The following GNA12 variants were observed in gnomAD, a reference collection of about 807,000 sequenced individuals.
GNA12 encodes the protein G protein subunit alpha 12.
GNA12 carries 9 observed loss-of-function variants against 26.0 expected under a neutral mutation model. The ratio of observed to expected loss-of-function variants is 0.35; its 90% CI spans 0.21 to 0.60. The LOEUF (loss-of-function observed/expected upper bound fraction) is 0.60. GNA12 is among the 20% of genes least tolerant of loss of function. The probability of loss-of-function intolerance (pLI) is 0.78; values close to 1 mark genes in which losing one functional copy is unlikely to be tolerated. For synonymous variants in GNA12, 264 were observed against 219.6 expected (o/e 1.20, Z -1.79); for missense variants, 405 against 525.8 (o/e 0.77, Z 2.25).
intron 1 of GNA12, among the ~76,000 whole-genome samples, chr7:2,842,271 C>T (rs1413602376): frequency 6.6e-6 from 1 of 152,142 alleles, no homozygotes; most frequent in East Asian, 1.9e-4. Context: ...AACACAGGCT[C>T]ACGGTACTGA....
At chr7:2,773,294 T>G (rs1049690674) in intron 2 of GNA12, among the ~76,000 whole-genome samples, 1 of 152,338 alleles carries the variant, frequency 6.6e-6, no homozygotes, top group Admixed American at 6.5e-5. Context: ...CTGGGGGCGG[T>G]GGCTCACGCC....
intron 2 of GNA12, among the ~76,000 whole-genome samples, chr7:2,780,051 CATATATATATATATATAT>C (rs3996399): frequency 0.038 from 2,352 of 62,220 alleles, 88 homozygotes; most frequent in Middle Eastern, 0.085. Context: ...TTTCTGTGTA[CATATATATATATATATAT>C]ATATATATAT....
chr7:2,811,285 G>A (rs1402544587), intron 1 of GNA12, among the ~76,000 whole-genome samples: 4 of 152,120 alleles, frequency 2.6e-5, no homozygotes, highest in Non-Finnish European at 5.9e-5. Context: ...AGAGCTCCCC[G>A]CTCCACCGAT....
At chr7:2,802,404 G>A (rs574657170) in intron 1 of GNA12, among the ~76,000 whole-genome samples, 2 of 87,208 alleles carry the variant, frequency 2.3e-5, no homozygotes, top group African/African-American at 9.2e-5. Flanking sequence ...GGGGGGGTGG[G>A]GGGTGGGGTT....
intron 2 of GNA12, among the ~76,000 whole-genome samples, chr7:2,789,344 C>T (rs1049499342): frequency 6.7e-6 from 1 of 148,742 alleles, no homozygotes; most frequent in Non-Finnish European, 1.5e-5. Context: ...ACCGTTTTAG[C>T]CGGGATGGTC....
chr7:2,806,635 ATCTG>A (rs772069258), intron 1 of GNA12, among the ~76,000 whole-genome samples: 1 of 152,206 alleles, frequency 6.6e-6, no homozygotes, highest in African/African-American at 2.4e-5. Flanking sequence ...TAGGAATGTT[ATCTG>A]TCTTATTCTT....
At chr7:2,781,632 A>G (rs1420089700) in intron 2 of GNA12, among the ~76,000 whole-genome samples, 1 of 152,194 alleles carries the variant, frequency 6.6e-6, no homozygotes, top group Non-Finnish European at 1.5e-5. Context: ...TTGTGGGTCT[A>G]AAGACATGTA....
In GNA12 at chr7:2,815,071, C is replaced by A. The variant is rs146769187; in HGVS notation, c.310-19928G>T. Reference sequence around the variant, plus strand: ...CAAGCGCCGCCACTGTGGCAGGCTCCGAGGACACAACAGAGAACCAGACAG... The same window carrying A: ...CAAGCGCCGCCACTGTGGCAGGCTCAGAGGACACAACAGAGAACCAGACAG... On this transcript the variant is annotated intron_variant, in intron 1 of 3. Coordinates refer to ENST00000275364, the MANE Select transcript of GNA12 (RefSeq NM_007353.3). 1,311 of 1,408,090 alleles carry A rather than the reference C, an allele frequency of 9.3e-4. 15 individuals are homozygous for A. In the African/African-American group the frequency reaches 0.016, roughly 18 times the overall value. The allele number at this position is 1,408,090 out of a possible 1,614,324, so 87.2% of individuals were successfully genotyped here. A position where few individuals can be genotyped will look rare whatever the true frequency, so the allele number is the denominator to read the frequency against.
At chr7:2,738,561 T>A (rs1013352609) in intron 2 of GNA12, among the ~76,000 whole-genome samples, 3 of 152,048 alleles carry the variant, frequency 2.0e-5, no homozygotes, top group African/African-American at 7.3e-5. Context: ...CATATTCTGC[T>A]TGCTTATATT....
In GNA12 at chr7:2,780,054, ATATAT is replaced by A. The variant is rs1792187247; in HGVS notation, c.525+14869_525+14873del. 1.0e-4 allele frequency among the ~76,000 whole-genome samples: 3 copies of A among 29,752 alleles called. No homozygotes were observed. In the South Asian group the frequency reaches 2.8e-3, roughly 28 times the overall value. 19.5% of individuals were successfully genotyped at this position (29,752 alleles called of 152,430 possible). On this transcript the variant is annotated intron_variant, in intron 2 of 3. Transcript: ENST00000275364. The stretch of plus-strand genomic sequence containing the variant: ...GTTTTTTACACATTTCTGTGTACAT[ATATAT>A]ATATATATATATATATATATATATA...
chr7:2,797,681 C>T (rs1050529005), intron 1 of GNA12, among the ~76,000 whole-genome samples: 2 of 152,138 alleles, frequency 1.3e-5, no homozygotes, highest in East Asian at 1.9e-4. Flanking sequence ...CTGAGTCAGA[C>T]GTAATGATGA....
intron 2 of GNA12, 106 bp from the exon 3 acceptor site, chr7:2,733,607 T>G: frequency 1.2e-6 from 1 of 815,436 alleles, no homozygotes; most frequent in African/African-American, 1.7e-5. Context: ...CGCCTCCGTG[T>G]GAATGGGAAA....
chr7:2,760,393 A>G (rs1791501360), intron 2 of GNA12: 1 of 152,522 alleles, frequency 6.6e-6, no homozygotes, highest in Non-Finnish European at 1.5e-5. Flanking sequence ...CTCACTGCCA[A>G]TCACCCAGGA....
chr7:2,813,358 C>G (rs1267070653), intron 1 of GNA12, among the ~76,000 whole-genome samples: 2 of 152,220 alleles, frequency 1.3e-5, no homozygotes, highest in Non-Finnish European at 2.9e-5. Context: ...ACTCCATGCC[C>G]ATAGTACCAA....
At chr7:2,736,638 C>A (rs1040002288) in intron 2 of GNA12, among the ~76,000 whole-genome samples, 1 of 152,214 alleles carries the variant, frequency 6.6e-6, no homozygotes, top group Non-Finnish European at 1.5e-5. Flanking sequence ...AGGACCTAGG[C>A]CGACACACGC....
chr7:2,792,156 A>G (rs1460411678), intron 2 of GNA12, among the ~76,000 whole-genome samples: 1 of 152,214 alleles, frequency 6.6e-6, no homozygotes, highest in Non-Finnish European at 1.5e-5. Context: ...AGACAGGCTC[A>G]TGTTTGGTCT....
intron 2 of GNA12, among the ~76,000 whole-genome samples, chr7:2,763,548 C>T (rs1791675726): frequency 3.3e-5 from 5 of 152,232 alleles, no homozygotes; most frequent in Admixed American, 3.3e-4. Flanking sequence ...TGTCTCAATT[C>T]TCAATGGTCC....
intron 2 of GNA12, among the ~76,000 whole-genome samples, chr7:2,734,727 G>C (rs1249893804): frequency 6.6e-6 from 1 of 152,208 alleles, no homozygotes; most frequent in Non-Finnish European, 1.5e-5. Flanking sequence ...TGAGTGTTTT[G>C]TTTGAGGGGA....
At chr7:2,819,057 C>G (rs746447764) in intron 1 of GNA12, among the ~76,000 whole-genome samples, 1 of 152,150 alleles carries the variant, frequency 6.6e-6, no homozygotes, top group Admixed American at 6.5e-5. Flanking sequence ...CTGGATTACC[C>G]TGCGAGCCTG....
Sources: gnomAD v4.1 joint callset for allele counts (sites outside exome capture counted in the v4.1 genomes callset) on GRCh38, gnomAD v4.1.1 for gene constraint, MANE v1.5 for transcripts, NCBI Gene and HGNC (gene_info 2026-07-23, HGNC 2026-07-21) for gene names.